Variants in GPBP1 observed in about 807,000 individuals in gnomAD.
GPBP1 encodes the protein GC-rich promoter binding protein 1.
Under a neutral mutation model 56.5 loss-of-function variants are expected in GPBP1, and 13 were observed. The observed-to-expected ratio is 0.23, with a 90% confidence interval of 0.15 to 0.37. GPBP1 has a LOEUF of 0.37. GPBP1 is among the 10% of genes least tolerant of loss of function. The pLI is 1.00. For synonymous variants in GPBP1, 204 were observed against 188.9 expected (o/e 1.08, Z -0.66); for missense variants, 477 against 572.3 (o/e 0.83, Z 1.70).
intron 2 of GPBP1, among the ~76,000 whole-genome samples, chr5:57,200,565 C>T (rs1017634201): frequency 6.6e-6 from 1 of 151,874 alleles, no homozygotes; most frequent in Non-Finnish European, 1.5e-5. Flanking sequence ...GTCAGGGTTT[C>T]ACCAAGTTGG....
In GPBP1 at chr5:57,175,556, C is replaced by T. The variant is rs1331010622; in HGVS notation, c.-902C>T. ...TACAGTGTTTTTGGATAATTTTGCC[C>T]CAGAAGTTTATTAAAATTGGCAAGA... is the stretch of plus-strand genomic sequence containing the variant. On this transcript the variant is annotated 5_prime_UTR_variant, in exon 2 of 12. Transcript: ENST00000506184. 2.5e-6 allele frequency: 1 copy of T among 398,068 alleles called. No homozygotes were observed. Among genetic ancestry groups the T allele is most frequent in the African/African-American group, 2.1e-5 (1 of 48,526 alleles). 24.7% of individuals were successfully genotyped at this position (398,068 alleles called of 1,614,324 possible). A position where few individuals can be genotyped will look rare whatever the true frequency, so the allele number is the denominator to read the frequency against.
In GPBP1 at chr5:57,247,202, A is replaced by C. The variant is rs146500410; in HGVS notation, c.791A>C (p.Asn264Thr). 1 of 1,612,918 alleles carries C rather than the reference A, an allele frequency of 6.2e-7. No homozygotes were observed. The highest frequency in any genetic ancestry group is 8.5e-7 in the Non-Finnish European group (1 of 1,179,514). ...GCCAAGAACTTTAGTCCATCTACAA[A>C]TTCAGTGAAAGAGGTATGACATTAA... ...STAKNFSPSTNSVKECNRSNS... is the reference protein window; with the variant it reads ...STAKNFSPSTTSVKECNRSNS... The change falls in exon 8 of 12, where the codon AAT becomes ACT. Residue 264 changes from asparagine to threonine, a missense_variant. Around this residue, in one of 2 missense-constraint regions of GPBP1, gnomAD observed 414 missense variants for 458.2 expected, o/e 0.90. Transcript: ENST00000506184.
At chr5:57,187,161 A>G (rs577358888) in intron 2 of GPBP1, among the ~76,000 whole-genome samples, 2 of 152,178 alleles carry the variant, frequency 1.3e-5, no homozygotes, top group South Asian at 4.2e-4. Context: ...TTTTATAGGA[A>G]ATTTGGAGCA....
At chr5:57,240,210 C>T (rs1332496230) in intron 6 of GPBP1, among the ~76,000 whole-genome samples, 2 of 152,096 alleles carry the variant, frequency 1.3e-5, no homozygotes, top group Non-Finnish European at 2.9e-5. Flanking sequence ...ACGATTGTGC[C>T]GCTGCACTCC....
chr5:57,214,604 CAAA>C (rs944347276), intron 3 of GPBP1, among the ~76,000 whole-genome samples: 3 of 152,050 alleles, frequency 2.0e-5, no homozygotes, highest in African/African-American at 7.2e-5. Flanking sequence ...AAAACAAAAA[CAAA>C]AACCCAAAAC....
intron 5 of GPBP1, among the ~76,000 whole-genome samples, chr5:57,235,261 C>G (rs562049384): frequency 6.6e-6 from 1 of 151,848 alleles, no homozygotes; most frequent in South Asian, 2.1e-4. Flanking sequence ...GAGCTGAGAT[C>G]GTACCACTTC....
At chr5:57,237,224 T>C in intron 6 of GPBP1, 1 of 1,168,588 alleles carries the variant, frequency 8.6e-7, no homozygotes, top group South Asian at 1.3e-5. Flanking sequence ...TGCATAAGAA[T>C]ATAGAACCAC....
At chr5:57,234,903 T>G (rs184549145) in intron 5 of GPBP1, among the ~76,000 whole-genome samples, 52 of 152,276 alleles carry the variant, frequency 3.4e-4, no homozygotes, top group African/African-American at 1.1e-3. Flanking sequence ...CAACACAGAT[T>G]ATAGCTTGGT....
intron 8 of GPBP1, chr5:57,248,912 C>A (rs953883864): frequency 6.6e-6 from 1 of 152,360 alleles, no homozygotes; most frequent in African/African-American, 2.4e-5. Context: ...GTTTTGTGTT[C>A]CACTGTCAAA....
intron 2 of GPBP1, among the ~76,000 whole-genome samples, chr5:57,184,461 A>T (rs1357163907): frequency 6.6e-6 from 1 of 152,008 alleles, no homozygotes; most frequent in African/African-American, 2.4e-5. Context: ...GGCATGTCAC[A>T]TGGCAAGAGG....
At chr5:57,219,727 A>G (rs768047472) in intron 3 of GPBP1, among the ~76,000 whole-genome samples, 1 of 151,950 alleles carries the variant, frequency 6.6e-6, no homozygotes, top group Non-Finnish European at 1.5e-5. Flanking sequence ...TTTTTAAGTG[A>G]TTTCATAGCT....
At chr5:57,193,556 G>A (rs555258718) in intron 2 of GPBP1, among the ~76,000 whole-genome samples, 3 of 145,640 alleles carry the variant, frequency 2.1e-5, no homozygotes, top group South Asian at 4.5e-4. Flanking sequence ...GGAGGTTGCA[G>A]TGAGCCAAGA....
intron 6 of GPBP1, among the ~76,000 whole-genome samples, chr5:57,244,297 T>G (rs1033321345): frequency 2.0e-5 from 3 of 152,218 alleles, no homozygotes; most frequent in African/African-American, 7.2e-5. Flanking sequence ...TGAAATCATT[T>G]TCTTGCTGAT....
intron 2 of GPBP1, among the ~76,000 whole-genome samples, chr5:57,211,552 T>C (rs192959198): frequency 7.5e-6 from 1 of 133,552 alleles, no homozygotes; most frequent in East Asian, 1.9e-4. Context: ...GAATAGGTGA[T>C]TTTAGTGGTT....
intron 2 of GPBP1, among the ~76,000 whole-genome samples, chr5:57,207,958 T>C (rs2111732379): frequency 6.6e-6 from 1 of 152,204 alleles, no homozygotes; most frequent in East Asian, 1.9e-4. Flanking sequence ...CAGCCACTTG[T>C]GTCTCTGCCT....
intron 2 of GPBP1, among the ~76,000 whole-genome samples, chr5:57,181,224 A>G (rs760088866): frequency 2.0e-5 from 3 of 152,124 alleles, no homozygotes; most frequent in Non-Finnish European, 4.4e-5. Flanking sequence ...AGTCCTAGCT[A>G]CTTGGAAGGC....
chr5:57,191,830 G>A (rs1349743585), intron 2 of GPBP1, among the ~76,000 whole-genome samples: 2 of 152,118 alleles, frequency 1.3e-5, no homozygotes, highest in Admixed American at 1.3e-4. Context: ...AAAGTGCTGG[G>A]ATTACAGGCG....
chr5:57,237,855 A>T (rs2111884714), intron 6 of GPBP1, among the ~76,000 whole-genome samples: 1 of 152,270 alleles, frequency 6.6e-6, no homozygotes, highest in Admixed American at 6.5e-5. Context: ...TTAAAAAAAA[A>T]AAGCAATTTG....
intron 10 of GPBP1, among the ~76,000 whole-genome samples, chr5:57,258,821 C>T (rs1741773556): frequency 6.6e-6 from 1 of 152,168 alleles, no homozygotes; most frequent in Admixed American, 6.5e-5. Context: ...TTAAAAGCTA[C>T]AGCCTCTGGT....
Sources: gnomAD v4.1 joint callset for allele counts (sites outside exome capture counted in the v4.1 genomes callset) on GRCh38, gnomAD v4.1.1 for gene constraint, gnomAD v4.1.1 regional missense constraint, MANE v1.5 for transcripts, NCBI Gene and HGNC (gene_info 2026-07-23, HGNC 2026-07-21) for gene names.